MDGA2: variants seen among roughly 807,000 people sequenced by gnomAD.
MDGA2 encodes MAM domain-containing glycosylphosphatidylinositol anchor protein 2.
A neutral mutation model predicts 117.8 loss-of-function variants in MDGA2; 40 were observed. The ratio of observed to expected loss-of-function variants is 0.34; its 90% confidence interval spans 0.26 to 0.44. MDGA2 has a LOEUF of 0.44. MDGA2 is among the 20% of genes least tolerant of loss of function. MDGA2 has a pLI of 1.00. For synonymous variants in MDGA2, 452 were observed against 439.0 expected (o/e 1.03, Z -0.37); for missense variants, 1,123 against 1,250.6 (o/e 0.90, Z 1.54).
chr14:47,524,960 T>A (rs919433305), intron 1 of MDGA2, among the ~76,000 whole-genome samples: 1 of 152,244 alleles, frequency 6.6e-6, no homozygotes, highest in African/African-American at 2.4e-5. Flanking sequence ...ACAGGAGTGC[T>A]CATTAAACTC....
intron 2 of MDGA2, among the ~76,000 whole-genome samples, chr14:47,267,187 G>A (rs768617862): frequency 1.1e-4 from 17 of 151,952 alleles, no homozygotes; most frequent in Non-Finnish European, 2.4e-4. Context: ...AAGCTATTTT[G>A]ACCTCTCCAC....
At chr14:47,561,158 G>GTTTTTTTTT (rs200625450) in intron 1 of MDGA2, among the ~76,000 whole-genome samples, 1,074 of 54,862 alleles carry the variant, frequency 0.02, 62 homozygotes, top group African/African-American at 0.023. Flanking sequence ...TTTTTGTTTT[G>GTTTTTTTTT]TTTTGTTTTT....
chr14:46,878,011 T>C (rs1882298776), intron 11 of MDGA2, among the ~76,000 whole-genome samples: 1 of 151,986 alleles, frequency 6.6e-6, no homozygotes, highest in Non-Finnish European at 1.5e-5. Flanking sequence ...TTGTAATATG[T>C]GTACTAAAAT....
At chr14:47,508,566 G>A (rs999633443) in intron 1 of MDGA2, among the ~76,000 whole-genome samples, 1 of 152,148 alleles carries the variant, frequency 6.6e-6, no homozygotes, top group Non-Finnish European at 1.5e-5. Flanking sequence ...TTTCCATATG[G>A]ATATGAAATC....
intron 1 of MDGA2, among the ~76,000 whole-genome samples, chr14:47,627,246 G>A (rs533122623): frequency 1.9e-4 from 29 of 152,112 alleles, no homozygotes; most frequent in Middle Eastern, 3.4e-3. Flanking sequence ...TCTGTGTCTA[G>A]TTAATCTGGT....
intron 10 of MDGA2, among the ~76,000 whole-genome samples, chr14:46,883,277 G>C (rs749929436): frequency 3.2e-4 from 48 of 152,016 alleles, no homozygotes; most frequent in Non-Finnish European, 4.6e-4. Flanking sequence ...TGTTTCTCTT[G>C]CAAGGATGCA....
chr14:46,973,009 T>C lies in MDGA2; in HGVS notation c.1820-15366A>G, dbSNP rs368513095. ...AAAGAAGACAGATGGAAATTATGTT[T>C]ATGAGGAGATGCTGTGCATGATGTC... On this transcript the variant is annotated intron_variant, in intron 8 of 16. Coordinates refer to ENST00000399232, the MANE Select transcript of MDGA2 (RefSeq NM_001113498.3). Among the ~76,000 whole-genome samples the C allele has an allele frequency of 1.2e-3, 180 of 152,268 alleles. 1 individual carries two copies. The highest frequency in any genetic ancestry group is 4.1e-3 in the African/African-American group (171 of 41,558).
At chr14:47,600,243 A>T (rs1566534957) in intron 1 of MDGA2, among the ~76,000 whole-genome samples, 2 of 151,900 alleles carry the variant, frequency 1.3e-5, no homozygotes, top group Admixed American at 6.6e-5. Flanking sequence ...TAAAAATACA[A>T]AAAAGCAGCT....
intron 1 of MDGA2, among the ~76,000 whole-genome samples, chr14:47,662,439 G>A (rs183053490): frequency 6.6e-6 from 1 of 152,134 alleles, no homozygotes; most frequent in Non-Finnish European, 1.5e-5. Context: ...GCTCTCTCTG[G>A]AAGAGGGAAG....
At chr14:47,059,036 C>T in intron 7 of MDGA2, 1 of 1,003,684 alleles carries the variant, frequency 1.0e-6, no homozygotes, top group Non-Finnish European at 1.2e-6. Context: ...ATAAATTTGT[C>T]TATCAAATAA....
intron 1 of MDGA2, among the ~76,000 whole-genome samples, chr14:47,395,958 T>G (rs1203332137): frequency 6.6e-6 from 1 of 152,122 alleles, no homozygotes; most frequent in Non-Finnish European, 1.5e-5. Context: ...GTAGCAAGCA[T>G]GAAAAACAAA....
chr14:46,918,938 A>AT (rs1320193934), intron 10 of MDGA2, among the ~76,000 whole-genome samples: 6 of 151,592 alleles, frequency 4.0e-5, no homozygotes, highest in African/African-American at 1.5e-4. Context: ...ATTTTTTTGT[A>AT]TTTTTAGTAG....
chr14:46,983,437 T>A (rs1241516511), intron 8 of MDGA2, among the ~76,000 whole-genome samples: 3 of 152,128 alleles, frequency 2.0e-5, no homozygotes, highest in Non-Finnish European at 2.9e-5. Flanking sequence ...AATCTTCAAT[T>A]GGCTTTTCTC....
intron 10 of MDGA2, among the ~76,000 whole-genome samples, chr14:46,918,835 C>G (rs1161879533): frequency 1.4e-5 from 2 of 147,112 alleles, no homozygotes; most frequent in Non-Finnish European, 3.0e-5. Context: ...GACCTCGGCT[C>G]GCTGCAAACT....
chr14:47,365,663 T>G, intron 1 of MDGA2, among the ~76,000 whole-genome samples: 1 of 152,234 alleles, frequency 6.6e-6, no homozygotes, highest in East Asian at 1.9e-4. Flanking sequence ...TAGTAAATGG[T>G]AACTAATTCT....
At chr14:47,390,306 T>C (rs529459749) in intron 1 of MDGA2, among the ~76,000 whole-genome samples, 5 of 152,302 alleles carry the variant, frequency 3.3e-5, no homozygotes, top group African/African-American at 1.2e-4. Flanking sequence ...CCAGAATGTC[T>C]TTCTCAAAGA....
At chr14:47,624,104 T>C (rs1897098013) in intron 1 of MDGA2, among the ~76,000 whole-genome samples, 1 of 152,208 alleles carries the variant, frequency 6.6e-6, no homozygotes, top group South Asian at 2.1e-4. Flanking sequence ...TCATTGTAAT[T>C]TGTAAAATAT....
Position 47,427,795 on chromosome 14 carries a change from G to A in MDGA2, c.281-126245C>T, listed in dbSNP as rs1399669769. Among the ~76,000 whole-genome samples the A allele has an allele frequency of 2.0e-5, 3 of 151,808 alleles. No homozygotes were observed. The East Asian group carries it at 5.8e-4, about 29-fold the overall frequency. ...GCCAATGAACAGTGAGTTAGGGGAA[G>A]CCTCACATGGCTCTGCTAAACATTT... On this transcript the variant is annotated intron_variant, in intron 1 of 16. Coordinates refer to ENST00000399232, the MANE Select transcript of MDGA2 (RefSeq NM_001113498.3).
chr14:47,327,849 A>T (rs1890186834), intron 1 of MDGA2, among the ~76,000 whole-genome samples: 1 of 152,192 alleles, frequency 6.6e-6, no homozygotes, highest in Admixed American at 6.5e-5. Flanking sequence ...AGAATCCTAA[A>T]GCTTAGAGAA....
Sources: gnomAD v4.1 joint callset for allele counts (sites outside exome capture counted in the v4.1 genomes callset) on GRCh38, gnomAD v4.1.1 for gene constraint, MANE v1.5 for transcripts, NCBI Gene and HGNC (gene_info 2026-07-23, HGNC 2026-07-21) for gene names.